MACROD2: variants seen among roughly 807,000 people sequenced by gnomAD.
MACROD2 encodes ADP-ribose glycohydrolase MACROD2.
Under a neutral mutation model 70.4 loss-of-function variants are expected in MACROD2, and 36 were observed. The ratio of observed to expected loss-of-function variants is 0.51; its 90% CI spans 0.39 to 0.68. The LOEUF is 0.68. Among genes scored for constraint, MACROD2 ranks in the 30% least tolerant of loss-of-function variants. The probability of loss-of-function intolerance (pLI) is 0.00; values close to 1 mark genes in which losing one functional copy is unlikely to be tolerated. For synonymous variants in MACROD2, 172 were observed against 178.8 expected, an observed-to-expected ratio of 0.96 and a Z score of 0.30; for missense variants, 496 against 538.4, an observed-to-expected ratio of 0.92 and a Z score of 0.78.
At chr20:15,325,066 G>C (rs556500474) in intron 6 of MACROD2, among the ~76,000 whole-genome samples, 69 of 150,644 alleles carry the variant, frequency 4.6e-4, no homozygotes, top group African/African-American at 1.7e-3. Flanking sequence ...GCAGAGACAG[G>C]GTAGTCAGGG....
chr20:15,662,638 A>G (rs1036593868), intron 8 of MACROD2, among the ~76,000 whole-genome samples: 1 of 152,088 alleles, frequency 6.6e-6, no homozygotes, highest in Non-Finnish European at 1.5e-5. Context: ...TTGTTTAGCA[A>G]AGTTTGAAAG....
At chr20:15,339,681 C>T (rs572263113) in intron 6 of MACROD2, among the ~76,000 whole-genome samples, 1 of 151,898 alleles carries the variant, frequency 6.6e-6, no homozygotes, top group Admixed American at 6.5e-5. Context: ...TCTAATACTA[C>T]ACTTGTTATT....
chr20:14,522,155 G>T lies in MACROD2; in HGVS notation c.301+28647G>T, dbSNP rs186510632. ...ACATATTCATCTTTTGGGTGAAATG[G>T]TGTTAAATATAATATATTTGAAAAC... On this transcript the variant is annotated intron_variant, in intron 4 of 17. Transcript: ENST00000684519. Among the ~76,000 whole-genome samples the T allele has an allele frequency of 1.5e-3, 224 of 152,166 alleles. 1 individual carries two copies. The highest frequency in any genetic ancestry group is 5.2e-3 in the African/African-American group (214 of 41,514).
At chr20:15,279,913 A>G (rs1361027569) in intron 6 of MACROD2, among the ~76,000 whole-genome samples, 1 of 152,208 alleles carries the variant, frequency 6.6e-6, no homozygotes, top group African/African-American at 2.4e-5. Context: ...ATCTAAGGAC[A>G]TAAGTACAAT....
chr20:15,825,167 C>G (rs2063983304), intron 8 of MACROD2, among the ~76,000 whole-genome samples: 1 of 152,028 alleles, frequency 6.6e-6, no homozygotes, highest in Non-Finnish European at 1.5e-5. Flanking sequence ...TTTGTCATGC[C>G]CCCCACTGAA....
intron 3 of MACROD2, among the ~76,000 whole-genome samples, chr20:14,100,623 AAAATATATATTTTTTTTATTTT>A: frequency 7.0e-6 from 1 of 142,860 alleles, no homozygotes; most frequent in South Asian, 2.1e-4. Context: ...AGTATATATA[AAAATATATATTTTTTTTATTTT>A]AAATATATAT....
chr20:15,717,541 T>A (rs897403873), intron 8 of MACROD2, among the ~76,000 whole-genome samples: 10 of 152,216 alleles, frequency 6.6e-5, no homozygotes, highest in African/African-American at 2.4e-4. Flanking sequence ...TTCAAATGTG[T>A]CATTGCCACT....
At chr20:14,448,938 A>G (rs1409367333) in intron 3 of MACROD2, among the ~76,000 whole-genome samples, 2 of 152,090 alleles carry the variant, frequency 1.3e-5, no homozygotes, top group Admixed American at 1.3e-4. Context: ...ATTGATCGGT[A>G]TGTACCTTAA....
At chr20:14,939,499 A>G (rs377071886) in intron 5 of MACROD2, among the ~76,000 whole-genome samples, 2 of 152,092 alleles carry the variant, frequency 1.3e-5, no homozygotes, top group South Asian at 2.1e-4. Flanking sequence ...ATAGCTCTGC[A>G]GTATATTTTA....
At chr20:15,502,756 G>A (rs1170216693) in intron 8 of MACROD2, among the ~76,000 whole-genome samples, 1 of 152,114 alleles carries the variant, frequency 6.6e-6, no homozygotes, top group Non-Finnish European at 1.5e-5. Context: ...TGTTAGGATA[G>A]GGTTATGCTG....
At position 15,262,923 on chromosome 20, in the gene MACROD2, A is replaced by G. The variant is rs140225281; in HGVS notation, c.540+32862A>G. 1.1e-3 allele frequency among the ~76,000 whole-genome samples: 163 copies of G among 152,070 alleles called. 2 individuals carry two copies. The highest frequency in any genetic ancestry group is 3.7e-3 in the African/African-American group (153 of 41,524). The stretch of plus-strand genomic sequence containing the variant: ...CTCTATAGTGTTGTTTGAGCTCCTT[A>G]TATATTCTGGTTATCAACCCTTTGT... On this transcript the variant is annotated intron_variant, in intron 6 of 17. Coordinates refer to ENST00000684519, the MANE Select transcript of MACROD2 (RefSeq NM_001351661.2).
At chr20:14,812,979 A>C (rs934427655) in intron 5 of MACROD2, among the ~76,000 whole-genome samples, 1 of 152,012 alleles carries the variant, frequency 6.6e-6, no homozygotes, top group Non-Finnish European at 1.5e-5. Flanking sequence ...AGGTTTTATG[A>C]ATTTGCTGGA....
intron 3 of MACROD2, among the ~76,000 whole-genome samples, chr20:14,270,270 C>A (rs538381123): frequency 6.6e-6 from 1 of 152,004 alleles, no homozygotes. Context: ...AGGAGTGATT[C>A]CATTGCAAGG....
At chr20:15,044,921 A>G (rs1413622694) in intron 5 of MACROD2, among the ~76,000 whole-genome samples, 1 of 152,174 alleles carries the variant, frequency 6.6e-6, no homozygotes, top group African/African-American at 2.4e-5. Context: ...ACAGATTTTA[A>G]GTTTTGTCTA....
chr20:15,679,928 A>C (rs1568970914), intron 8 of MACROD2, among the ~76,000 whole-genome samples: 2 of 152,264 alleles, frequency 1.3e-5, no homozygotes, highest in South Asian at 4.1e-4. Flanking sequence ...CAATTTATTA[A>C]GCAGATATTG....
chr20:14,878,140 T>C (rs1244492414), intron 5 of MACROD2, among the ~76,000 whole-genome samples: 1 of 152,198 alleles, frequency 6.6e-6, no homozygotes, highest in Admixed American at 6.5e-5. Flanking sequence ...AGTAAAATGG[T>C]AAATAGTCTA....
At chr20:14,705,934 TC>T (rs1911835545) in intron 5 of MACROD2, among the ~76,000 whole-genome samples, 1 of 152,148 alleles carries the variant, frequency 6.6e-6, no homozygotes. Flanking sequence ...CTTTTTCTTC[TC>T]TTGTACAGAA....
At chr20:15,893,543 C>T (rs2064921470) in intron 10 of MACROD2, 2 of 364,520 alleles carry the variant, frequency 5.5e-6, no homozygotes, top group Middle Eastern at 4.7e-4. Flanking sequence ...GAATAAATGA[C>T]ACGGTCTCTC....
At chr20:15,428,616 C>A (rs1323741181) in intron 6 of MACROD2, among the ~76,000 whole-genome samples, 1 of 152,132 alleles carries the variant, frequency 6.6e-6, no homozygotes, top group Non-Finnish European at 1.5e-5. Flanking sequence ...AATTAACTAC[C>A]CTAGCCCAAG....
Sources: gnomAD v4.1 joint callset for allele counts (sites outside exome capture counted in the v4.1 genomes callset) on GRCh38, gnomAD v4.1.1 for gene constraint, MANE v1.5 for transcripts, NCBI Gene and HGNC (gene_info 2026-07-23, HGNC 2026-07-21) for gene names.